TRIR: variants seen among roughly 807,000 people sequenced by gnomAD.
TRIR encodes the protein telomerase RNA component-interacting RNase.
TRIR carries 5 observed loss-of-function variants against 18.2 expected under a neutral mutation model. The observed-to-expected ratio is 0.27, with a 90% CI of 0.14 to 0.58. The LOEUF is 0.58. TRIR is among the 20% of genes least tolerant of loss of function. The pLI is 0.91. For synonymous variants in TRIR, 134 were observed against 114.4 expected, an observed-to-expected ratio of 1.17 and a Z score of -1.10; for missense variants, 206 against 252.8, an observed-to-expected ratio of 0.81 and a Z score of 1.25.
chr19:12,734,454 C>A lies in TRIR; in HGVS notation c.204G>T (p.Leu68=). 1 of 1,534,038 alleles carries A rather than the reference C, an allele frequency of 6.5e-7. No individual in the cohort carries two copies. Among genetic ancestry groups the A allele is most frequent in the Non-Finnish European group, 8.8e-7 (1 of 1,141,800 alleles). Residue 68 remains leucine (L), a synonymous_variant, in exon 1 of 3, where the codon CTG becomes CTT. Transcript: ENST00000242784. The surrounding 1 kb of genome is among the most constrained non-coding windows in gnomAD (Gnocchi z 4.1). ...GCTCCTCCTCCATCTTCCGCTTGAA[C>A]AGCTCCAGGAAGCTGCCGTCGTTGG... ...LFANDGSFLE[L]FKRKMEEEQR... is the part of the protein sequence containing the mutation.
chr19:12,732,220 T>C (rs1967444126), intron 1 of TRIR, among the ~76,000 whole-genome samples: 1 of 150,866 alleles, frequency 6.6e-6, no homozygotes, highest in Admixed American at 6.6e-5. Context: ...CAACAAACAA[T>C]GGAGCTGATT....
intron 1 of TRIR, among the ~76,000 whole-genome samples, chr19:12,732,603 T>C (rs1354770667): frequency 6.6e-6 from 1 of 151,954 alleles, no homozygotes; most frequent in East Asian, 1.9e-4. Context: ...TCCATTTTTT[T>C]TTTTTTTTGG....
chr19:12,731,134 A>C lies in TRIR; in HGVS notation c.424-66T>G. The C allele has an allele frequency of 7.2e-7, 1 of 1,395,052 alleles. No individual in the cohort carries two copies. The highest frequency in any genetic ancestry group is 1.0e-6 in the Non-Finnish European group (1 of 981,654). 86.4% of individuals were successfully genotyped at this position (1,395,052 alleles called of 1,614,324 possible). ...ACCAGGGTCAGGACTGCCCTGAGAC[A>C]GGTGACCCATTCCCAGTGTCACCCA... On this transcript the variant is annotated intron_variant, in intron 2 of 2. Transcript: ENST00000242784. The surrounding 1 kb of genome is among the most constrained non-coding windows in gnomAD (Gnocchi z 5.1).
At position 12,730,676 on chromosome 19, in the gene TRIR, G is replaced by A; in HGVS notation, c.*285C>T. 2.0e-6 allele frequency: 1 copy of A among 502,796 alleles called. No homozygotes were observed. The highest frequency in any genetic ancestry group is 3.6e-6 in the Non-Finnish European group (1 of 277,142). The allele number at this position is 502,796 out of a possible 1,614,324, so 31.1% of individuals were successfully genotyped here. ...GTCAAGTTCTTTACTTCCCAGAAGTGATGGCTAAGGGGAGGGAGGAGGGTG... is the reference window on the plus strand; with the variant it reads ...GTCAAGTTCTTTACTTCCCAGAAGTAATGGCTAAGGGGAGGGAGGAGGGTG... On this transcript the variant is annotated 3_prime_UTR_variant, in exon 3 of 3. Coordinates refer to ENST00000242784, the MANE Select transcript of TRIR (RefSeq NM_024038.4).
At chr19:12,733,649 A>T (rs1417641420) in intron 1 of TRIR, among the ~76,000 whole-genome samples, 3 of 152,166 alleles carry the variant, frequency 2.0e-5, no homozygotes, top group Non-Finnish European at 2.9e-5. Flanking sequence ...CCCTTCCTGG[A>T]AGACAGGCTC....
In TRIR at chr19:12,731,135, G is replaced by A. The variant is rs1206567446; in HGVS notation, c.424-67C>T. Reference sequence around the variant, plus strand: ...CCAGGGTCAGGACTGCCCTGAGACAGGTGACCCATTCCCAGTGTCACCCAG... The same window carrying A: ...CCAGGGTCAGGACTGCCCTGAGACAAGTGACCCATTCCCAGTGTCACCCAG... On this transcript the variant is annotated intron_variant, in intron 2 of 2. Transcript: ENST00000242784. The surrounding 1 kb of genome is among the most constrained non-coding windows in gnomAD (Gnocchi z 5.1). 1.4e-6 allele frequency: 2 copies of A among 1,395,196 alleles called. No individual in the cohort carries two copies. Among genetic ancestry groups the A allele is most frequent in the Non-Finnish European group, 2.0e-6 (2 of 981,888 alleles). The allele number at this position is 1,395,196 out of a possible 1,614,324, so 86.4% of individuals were successfully genotyped here.
rs548965272 is a variant in TRIR, at chr19:12,730,847, C to T, written c.*114G>A. The T allele has an allele frequency of 1.4e-5, 13 of 952,342 alleles. No homozygotes were observed. Among genetic ancestry groups the T allele is most frequent in the South Asian group, 1.3e-4 (9 of 71,682 alleles). The allele number at this position is 952,342 out of a possible 1,614,324, so 59.0% of individuals were successfully genotyped here. ...TCGTCCACGGCTGCGGGAAGCATCT[C>T]GGTTTCCTTCTGCTTTTAAGTCCTC... On this transcript the variant is annotated 3_prime_UTR_variant, in exon 3 of 3. Transcript: ENST00000242784.
intron 1 of TRIR, among the ~76,000 whole-genome samples, chr19:12,732,331 C>G (rs1967446702): frequency 6.6e-6 from 1 of 151,968 alleles, no homozygotes; most frequent in Non-Finnish European, 1.5e-5. Context: ...AGGGTGCAGC[C>G]AAAATGGCCC....
In TRIR at chr19:12,734,669, G is replaced by A. The variant is rs1263423628; in HGVS notation, c.-12C>T. On this transcript the variant is annotated 5_prime_UTR_variant, in exon 1 of 3. Coordinates refer to ENST00000242784, the MANE Select transcript of TRIR (RefSeq NM_024038.4). The surrounding 1 kb of genome is among the most constrained non-coding windows in gnomAD (Gnocchi z 4.1). ...CCTCGGGCAGCCATTTTGTCGCCAG[G>A]TGCCGCGCAAAGGACTCCGGGAAGG... 6.0e-6 allele frequency: 9 copies of A among 1,499,682 alleles called. No individual in the cohort carries two copies. The highest frequency in any genetic ancestry group is 7.9e-6 in the Non-Finnish European group (9 of 1,133,392). The allele number at this position is 1,499,682 out of a possible 1,614,324, so 92.9% of individuals were successfully genotyped here. A position where few individuals can be genotyped will look rare whatever the true frequency, so the allele number is the denominator to read the frequency against.
At position 12,731,449 on chromosome 19, in the gene TRIR, G is replaced by T. The variant is rs769940750; in HGVS notation, c.346-28C>A. On this transcript the variant is annotated intron_variant, in intron 1 of 2. Coordinates refer to ENST00000242784, the MANE Select transcript of TRIR (RefSeq NM_024038.4). The surrounding 1 kb of genome is among the most constrained non-coding windows in gnomAD (Gnocchi z 5.1). Reference sequence around the variant, plus strand: ...GGGTGAAGGGACAGAAGACTGCAACGGTTACAGGAGCCGGGACCGCCCTTG... The same window carrying T: ...GGGTGAAGGGACAGAAGACTGCAACTGTTACAGGAGCCGGGACCGCCCTTG... 19 of 1,601,526 alleles carry T rather than the reference G, an allele frequency of 1.2e-5. No homozygotes were observed. The South Asian group carries it at 2.1e-4, about 18-fold the overall frequency.
At position 12,734,607 on chromosome 19, in the gene TRIR, GC is replaced by G; in HGVS notation, c.50del (p.Gly17AlafsTer40). The G allele has an allele frequency of 6.6e-7, 1 of 1,518,258 alleles. No individual in the cohort carries two copies. 94.0% of individuals were successfully genotyped at this position (1,518,258 alleles called of 1,614,324 possible). A position where few individuals can be genotyped will look rare whatever the true frequency, so the allele number is the denominator to read the frequency against. On this transcript the variant is annotated frameshift_variant, in exon 1 of 3. Coordinates refer to ENST00000242784, the MANE Select transcript of TRIR (RefSeq NM_024038.4). LOFTEE classifies it high-confidence loss of function. The surrounding 1 kb of genome is among the most constrained non-coding windows in gnomAD (Gnocchi z 4.1). ...TCCCGCCACCGCCACCGCCCGCGGGGCCCGGAGCCTCCCGGCCCTGAGGCTC... is the reference window on the plus strand; with the variant it reads ...TCCCGCCACCGCCACCGCCCGCGGGGCCGGAGCCTCCCGGCCCTGAGGCTC... ...RAEPQGREAP[G>X]PAGGGGGGSR...
In TRIR at chr19:12,734,599, C is replaced by A. The variant is rs1599443170; in HGVS notation, c.59G>T (p.Gly20Val). ...PQGREAPGPA[G>V]GGGGGSRWAE... ...CCAACGGCTCCCGCCACCGCCACCG[C>A]CCGCGGGGCCCGGAGCCTCCCGGCC... is the stretch of plus-strand genomic sequence containing the variant. The change falls in exon 1 of 3, where the codon GGC (glycine) becomes GTC (valine). Residue 20 changes from glycine to valine, a missense_variant. Transcript: ENST00000242784. The surrounding 1 kb of genome is among the most constrained non-coding windows in gnomAD (Gnocchi z 4.1). 1.3e-6 allele frequency: 2 copies of A among 1,519,654 alleles called. No homozygotes were observed. Among genetic ancestry groups the A allele is most frequent in the Non-Finnish European group, 1.8e-6 (2 of 1,139,768 alleles). The allele number at this position is 1,519,654 out of a possible 1,614,324, so 94.1% of individuals were successfully genotyped here.
In TRIR at chr19:12,734,429, G is replaced by T; in HGVS notation, c.229C>A (p.Gln77Lys). 1 of 1,526,104 alleles carries T rather than the reference G, an allele frequency of 6.6e-7. No homozygotes were observed. The allele number at this position is 1,526,104 out of a possible 1,614,324, so 94.5% of individuals were successfully genotyped here. ...GGCGGCTCCTCCTGCCGCTGCCGCT[G>T]CTCCTCCTCCATCTTCCGCTTGAAC... ...ELFKRKMEEE[Q>K]RQRQEEPPPG... is the part of the protein sequence containing the mutation. The change falls in exon 1 of 3, where the codon CAG (glutamine) becomes AAG (lysine). Residue 77 changes from glutamine (Q) to lysine (K), a missense_variant. Gln to Lys is a moderately conservative substitution (Grantham distance 53). Coordinates refer to ENST00000242784, the MANE Select transcript of TRIR (RefSeq NM_024038.4). This position sits in a 1 kb window ranked among gnomAD's most constrained non-coding sequence, Gnocchi z 4.1.
rs907249891 is a variant in TRIR at position 12,734,014 on chromosome 19, C to G, written c.345+299G>C. On this transcript the variant is annotated intron_variant, in intron 1 of 2. Coordinates refer to ENST00000242784, the MANE Select transcript of TRIR (RefSeq NM_024038.4). This position sits in a 1 kb window ranked among gnomAD's most constrained non-coding sequence, Gnocchi z 4.1. ...CACAATTAGTGGTGGTCCCATGACC[C>G]AAGGTCCGGGTACCACTCAAACAGG... 2.0e-5 allele frequency among the ~76,000 whole-genome samples: 3 copies of G among 152,192 alleles called. No homozygotes were observed. Among genetic ancestry groups the G allele is most frequent in the Non-Finnish European group, 4.4e-5 (3 of 68,034 alleles).
At chr19:12,732,425 C>G (rs1425311115) in intron 1 of TRIR, among the ~76,000 whole-genome samples, 2 of 152,140 alleles carry the variant, frequency 1.3e-5, no homozygotes, top group African/African-American at 2.4e-5. Flanking sequence ...CACACCAACC[C>G]TGGTCCTGAC....
rs1967493922 is a variant in TRIR, at chr19:12,734,385, G to C, written c.273C>G (p.Pro91=). 6.7e-7 allele frequency: 1 copy of C among 1,495,510 alleles called. No individual in the cohort carries two copies. 92.6% of individuals were successfully genotyped at this position (1,495,510 alleles called of 1,614,324 possible). A position where few individuals can be genotyped will look rare whatever the true frequency, so the allele number is the denominator to read the frequency against. The change falls in exon 1 of 3, where the codon CCC becomes CCG. Residue 91 remains proline, a synonymous_variant. Transcript: ENST00000242784. The surrounding 1 kb of genome is among the most constrained non-coding windows in gnomAD (Gnocchi z 4.1). Reference sequence around the variant, plus strand: ...GGCCAGCGGCGGCGGCCGACTGGTCGGGTCGCTGCGGACCCGGGGGCGGCT... The same window carrying C: ...GGCCAGCGGCGGCGGCCGACTGGTCCGGTCGCTGCGGACCCGGGGGCGGCT... The part of the protein sequence containing the change: ...QEEPPPGPQR[P]DQSAAAAGPG...
chr19:12,732,124 CAAA>C (rs34115155), intron 1 of TRIR, among the ~76,000 whole-genome samples: 3 of 79,818 alleles, frequency 3.8e-5, no homozygotes, highest in African/African-American at 4.9e-5. Context: ...GACTCTGTCT[CAAA>C]AAAAAAAAAA....
At position 12,734,506 on chromosome 19, in the gene TRIR, G is replaced by C; in HGVS notation, c.152C>G (p.Pro51Arg). ...GAACAAGTTCACGCCGCCCGACACC[G>C]GGCTCGAACCCGCGCCCGACACCTC... ...DEEVSGAGSS[P>R]VSGGVNLFAN... is the part of the protein sequence containing the mutation. Residue 51 changes from proline to arginine, a missense_variant, in exon 1 of 3, where the codon CCG becomes CGG. Coordinates refer to ENST00000242784, the MANE Select transcript of TRIR (RefSeq NM_024038.4). This position sits in a 1 kb window ranked among gnomAD's most constrained non-coding sequence, Gnocchi z 4.1. 6.5e-7 allele frequency: 1 copy of C among 1,535,970 alleles called. No individual in the cohort carries two copies. Among genetic ancestry groups the C allele is most frequent in the Admixed American group, 2.0e-5 (1 of 50,414 alleles).
At position 12,731,502 on chromosome 19, in the gene TRIR, T is replaced by C; in HGVS notation, c.346-81A>G. ...GGCGCTGAGGCCCACTACACCTTCC[T>C]AGCCCGGCCTGGTGGCCCGTCCTGA... On this transcript the variant is annotated intron_variant, in intron 1 of 2. Transcript: ENST00000242784. The surrounding 1 kb of genome is among the most constrained non-coding windows in gnomAD (Gnocchi z 5.1). 1 of 1,445,532 alleles carries C rather than the reference T, an allele frequency of 6.9e-7. No individual in the cohort carries two copies. Among genetic ancestry groups the C allele is most frequent in the Non-Finnish European group, 9.4e-7 (1 of 1,066,914 alleles). The allele number at this position is 1,445,532 out of a possible 1,614,324, so 89.5% of individuals were successfully genotyped here.
Sources: gnomAD v4.1 joint callset for allele counts (sites outside exome capture counted in the v4.1 genomes callset) on GRCh38, gnomAD v4.1.1 for gene constraint, Gnocchi (gnomAD v3.1) non-coding constraint, MANE v1.5 for transcripts, NCBI Gene and HGNC (gene_info 2026-07-23, HGNC 2026-07-21) for gene names.